The following NAALADL2 variants were observed in gnomAD, a reference collection of about 807,000 sequenced individuals.
NAALADL2 encodes the protein inactive N-acetylated-alpha-linked acidic dipeptidase-like protein 2.
NAALADL2 carries 76 observed loss-of-function variants against 87.2 expected under a neutral mutation model. The ratio of observed to expected loss-of-function variants is 0.87; its 90% CI spans 0.72 to 1.05. The LOEUF (loss-of-function observed/expected upper bound fraction) is 1.05. Ranked by LOEUF, NAALADL2 falls within the 50% of genes least tolerant of loss-of-function variation. The pLI is 0.00. For synonymous variants in NAALADL2, 354 were observed against 331.0 expected (o/e 1.07, Z -0.75); for missense variants, 1,089 against 945.8 (o/e 1.15, Z -1.99).
chr3:174,544,454 T>G (rs1158354857), intron 1 of NAALADL2, among the ~76,000 whole-genome samples: 1 of 152,086 alleles, frequency 6.6e-6, no homozygotes, highest in Non-Finnish European at 1.5e-5. Flanking sequence ...CTTTCCTTTT[T>G]TGTTTAGGTT....
rs190430276 is a variant in NAALADL2, at chr3:175,529,009, C to T, written c.1654-47032C>T. Among the ~76,000 whole-genome samples, 4 of 152,268 alleles carry T rather than the reference C, an allele frequency of 2.6e-5. No individual in the cohort carries two copies. The East Asian group carries it at 7.7e-4, about 29-fold the overall frequency. ...CACCTCAGCAGGTCGTGGATTTTTT[C>T]CTGGTGGAGTAACCCAAACCTTCAT... On this transcript the variant is annotated intron_variant, in intron 9 of 13. Transcript: ENST00000454872.
At chr3:174,787,860 A>G (rs1176008094) in intron 3 of NAALADL2, among the ~76,000 whole-genome samples, 1 of 151,622 alleles carries the variant, frequency 6.6e-6, no homozygotes, top group Non-Finnish European at 1.5e-5. Flanking sequence ...GAAAAGAAGT[A>G]GATTCAGTTG....
intron 11 of NAALADL2, among the ~76,000 whole-genome samples, chr3:175,632,628 G>T (rs1014402342): frequency 6.6e-6 from 1 of 152,042 alleles, no homozygotes; most frequent in Non-Finnish European, 1.5e-5. Flanking sequence ...ATAGAGTGAA[G>T]AGTCAAAGAT....
intron 11 of NAALADL2, among the ~76,000 whole-genome samples, chr3:175,726,744 G>A (rs559461736): frequency 6.6e-6 from 1 of 152,228 alleles, no homozygotes; most frequent in Non-Finnish European, 1.5e-5. Context: ...TGTTTTGAGG[G>A]AGTACCCAAA....
intron 9 of NAALADL2, among the ~76,000 whole-genome samples, chr3:175,477,543 T>C (rs755045805): frequency 1.3e-5 from 2 of 152,146 alleles, no homozygotes; most frequent in Non-Finnish European, 2.9e-5. Flanking sequence ...AATCACTTAA[T>C]TTACTGTACC....
At chr3:175,119,772 GAT>G (rs553348397) in intron 2 of NAALADL2, among the ~76,000 whole-genome samples, 25 of 138,772 alleles carry the variant, frequency 1.8e-4, no homozygotes, top group African/African-American at 3.5e-4. Context: ...ACTATATATA[GAT>G]ATATATATAA....
intron 2 of NAALADL2, among the ~76,000 whole-genome samples, chr3:174,608,541 G>A (rs200153290): frequency 0.34 from 50,801 of 150,144 alleles, 9,618 homozygotes; most frequent in Non-Finnish European, 0.45. Flanking sequence ...ACACCTCTAC[G>A]CAAATAAACT....
intron 2 of NAALADL2, among the ~76,000 whole-genome samples, chr3:174,592,650 T>C (rs1417473498): frequency 2.0e-5 from 3 of 152,178 alleles, no homozygotes; most frequent in Admixed American, 6.5e-5. Context: ...GAAATCGTTT[T>C]AGAACTGCAA....
At chr3:175,774,293 G>C (rs1749915022) in intron 13 of NAALADL2, among the ~76,000 whole-genome samples, 1 of 151,940 alleles carries the variant, frequency 6.6e-6, no homozygotes. Context: ...TGGTAAGCTA[G>C]ACATAAACAA....
intron 2 of NAALADL2, among the ~76,000 whole-genome samples, chr3:174,659,800 T>C (rs565937095): frequency 6.6e-6 from 1 of 152,184 alleles, no homozygotes; most frequent in Non-Finnish European, 1.5e-5. Flanking sequence ...CGTTTTTTAA[T>C]AGCTCCTGCT....
At chr3:175,243,237 C>A (rs1581086494) in intron 3 of NAALADL2, among the ~76,000 whole-genome samples, 1 of 150,362 alleles carries the variant, frequency 6.7e-6, no homozygotes, top group Non-Finnish European at 1.5e-5. Context: ...AGCTTTAACC[C>A]CTATCTCTAA....
At chr3:175,744,294 A>G (rs184729547) in intron 12 of NAALADL2, among the ~76,000 whole-genome samples, 114 of 152,314 alleles carry the variant, frequency 7.5e-4, no homozygotes, top group Non-Finnish European at 1.1e-3. Context: ...CCTAAAATCC[A>G]AGGTTCTCAA....
intron 1 of NAALADL2, among the ~76,000 whole-genome samples, chr3:174,501,778 T>C (rs1718912193): frequency 6.6e-6 from 1 of 152,044 alleles, no homozygotes; most frequent in Admixed American, 6.5e-5. Context: ...AATTTATATC[T>C]TTTTTCTTTT....
At chr3:174,558,352 G>T (rs1028294948) in intron 2 of NAALADL2, among the ~76,000 whole-genome samples, 1 of 152,056 alleles carries the variant, frequency 6.6e-6, no homozygotes, top group South Asian at 2.1e-4. Context: ...CTGGGTACGG[G>T]GGGGATGGTT....
chr3:174,595,706 A>G (rs752159146), intron 2 of NAALADL2, among the ~76,000 whole-genome samples: 1 of 152,086 alleles, frequency 6.6e-6, no homozygotes, highest in Non-Finnish European at 1.5e-5. Context: ...AGTCTCTCCT[A>G]TCTTAAGAAA....
At chr3:175,550,664 G>A (rs1201447432) in intron 9 of NAALADL2, among the ~76,000 whole-genome samples, 1 of 152,100 alleles carries the variant, frequency 6.6e-6, no homozygotes, top group East Asian at 1.9e-4. Flanking sequence ...CAGGATGGAT[G>A]CATTATTCTG....
At chr3:174,610,008 C>T (rs968217502) in intron 2 of NAALADL2, among the ~76,000 whole-genome samples, 79 of 152,052 alleles carry the variant, frequency 5.2e-4, no homozygotes, top group African/African-American at 1.6e-3. Context: ...GAAATAATGC[C>T]GTATATCTAC....
chr3:174,715,655 A>C (rs577874514), intron 2 of NAALADL2, among the ~76,000 whole-genome samples: 3 of 152,272 alleles, frequency 2.0e-5, no homozygotes, highest in African/African-American at 7.2e-5. Flanking sequence ...ATTCAGGACT[A>C]AGTCAAATGG....
At chr3:175,718,210 T>G (rs1285636871) in intron 11 of NAALADL2, 32 of 730,536 alleles carry the variant, frequency 4.4e-5, no homozygotes, top group South Asian at 1.2e-4. Context: ...TTTTTTTTTT[T>G]TTTTTTTTTT....
Sources: allele counts gnomAD v4.1 joint callset (sites outside exome capture counted in the v4.1 genomes callset), GRCh38; gene constraint gnomAD v4.1.1; transcripts MANE v1.5; gene names NCBI Gene and HGNC (gene_info 2026-07-23, HGNC 2026-07-21).